APP: variants seen among roughly 807,000 people sequenced by gnomAD.
APP encodes amyloid-beta precursor protein.
APP carries 31 observed loss-of-function variants against 101.4 expected under a neutral mutation model. The ratio of observed to expected loss-of-function variants is 0.31; its 90% CI spans 0.23 to 0.41. The LOEUF (loss-of-function observed/expected upper bound fraction) is 0.41. APP is among the 10% of genes least tolerant of loss of function. APP has a pLI of 1.00. For synonymous variants in APP, 366 were observed against 364.4 expected, an observed-to-expected ratio of 1.00 and a Z score of -0.05; for missense variants, 839 against 1,003.7, an observed-to-expected ratio of 0.84 and a Z score of 2.22.
intron 17 of APP, among the ~76,000 whole-genome samples, chr21:25,882,562 G>T (rs1265537690): frequency 2.0e-5 from 3 of 151,756 alleles, no homozygotes; most frequent in Non-Finnish European, 4.4e-5. Context: ...TGTTAGAGCT[G>T]TGTGTGGCAT....
intron 3 of APP, among the ~76,000 whole-genome samples, chr21:26,062,621 C>T (rs1453255280): frequency 1.3e-5 from 2 of 150,814 alleles, no homozygotes; most frequent in African/African-American, 4.9e-5. Flanking sequence ...GAGATTGTGT[C>T]ATTGCACTCC....
At chr21:26,036,034 T>A (rs921896977) in intron 5 of APP, among the ~76,000 whole-genome samples, 1 of 152,138 alleles carries the variant, frequency 6.6e-6, no homozygotes, top group Admixed American at 6.6e-5. Flanking sequence ...AGGATTCATA[T>A]GCCTATGAAA....
At chr21:25,905,155 G>A (rs45455693) in intron 14 of APP, 78 bp from the exon 15 acceptor site, 23 of 1,258,908 alleles carry the variant, frequency 1.8e-5, no homozygotes, top group Admixed American at 1.8e-4. Flanking sequence ...AAACATAGTC[G>A]AGCAGGGAAA....
At chr21:26,127,383 A>C (rs2062706569) in intron 1 of APP, among the ~76,000 whole-genome samples, 2 of 152,226 alleles carry the variant, frequency 1.3e-5, no homozygotes, top group Non-Finnish European at 2.9e-5. Flanking sequence ...AAAGGCTTAA[A>C]AACTGGAATC....
At chr21:25,910,737 T>C (rs2039031035) in intron 14 of APP, among the ~76,000 whole-genome samples, 1 of 152,256 alleles carries the variant, frequency 6.6e-6, no homozygotes, top group Non-Finnish European at 1.5e-5. Context: ...TAGAGCAATG[T>C]GCTCCTTAAT....
intron 5 of APP, among the ~76,000 whole-genome samples, chr21:26,023,315 A>G (rs1319606378): frequency 6.7e-6 from 1 of 150,304 alleles, no homozygotes; most frequent in East Asian, 2.0e-4. Context: ...AAAAACCTAG[A>G]GGCCAGGAGT....
intron 1 of APP, among the ~76,000 whole-genome samples, chr21:26,150,686 C>T (rs1214408600): frequency 2.6e-5 from 4 of 152,060 alleles, no homozygotes; most frequent in Non-Finnish European, 4.4e-5. Context: ...AAAGTACAAG[C>T]TCTGTGAGAT....
intron 11 of APP, among the ~76,000 whole-genome samples, chr21:25,967,154 C>A (rs2041827450): frequency 6.6e-6 from 1 of 152,002 alleles, no homozygotes. Flanking sequence ...CTGAACCATT[C>A]AAAAATGAGA....
At chr21:25,992,302 C>A (rs930917928) in intron 8 of APP, among the ~76,000 whole-genome samples, 4 of 151,642 alleles carry the variant, frequency 2.6e-5, no homozygotes, top group South Asian at 2.1e-4. Flanking sequence ...ACAGGGGGAT[C>A]TCTTGAACCC....
chr21:26,037,216 G>C (rs960943909), intron 5 of APP, among the ~76,000 whole-genome samples: 1 of 152,120 alleles, frequency 6.6e-6, no homozygotes, highest in Non-Finnish European at 1.5e-5. Flanking sequence ...AGGCTGGGAA[G>C]GGTAGGTAGA....
chr21:26,150,496 C>T (rs977872637), intron 1 of APP, among the ~76,000 whole-genome samples: 3 of 152,142 alleles, frequency 2.0e-5, no homozygotes, highest in Admixed American at 6.5e-5. Flanking sequence ...TTCTGATCCC[C>T]TTCATACCCT....
At chr21:25,908,519 A>G (rs1330378811) in intron 14 of APP, among the ~76,000 whole-genome samples, 1 of 152,094 alleles carries the variant, frequency 6.6e-6, no homozygotes, top group Admixed American at 6.5e-5. Flanking sequence ...AAGAAAGACT[A>G]ACAAGTTTCT....
intron 11 of APP, among the ~76,000 whole-genome samples, chr21:25,966,857 T>C (rs2041816612): frequency 6.6e-6 from 1 of 152,222 alleles, no homozygotes; most frequent in African/African-American, 2.4e-5. Context: ...ATCCACATCA[T>C]ATAGTGGCGA....
chr21:26,081,853 T>C (rs1367417791), intron 3 of APP, among the ~76,000 whole-genome samples: 2 of 152,246 alleles, frequency 1.3e-5, no homozygotes, highest in Admixed American at 1.3e-4. Flanking sequence ...TGTGAAAATA[T>C]GCCCTGAGTT....
intron 6 of APP, among the ~76,000 whole-genome samples, chr21:26,018,000 A>G (rs753986075): frequency 1.3e-5 from 2 of 152,168 alleles, no homozygotes; most frequent in Non-Finnish European, 2.9e-5. Flanking sequence ...GCTGGAGTGC[A>G]GCGGATGTGC....
At chr21:25,987,325 C>A (rs3787634) in intron 8 of APP, among the ~76,000 whole-genome samples, 11,595 of 152,236 alleles carry the variant, frequency 0.076, 658 homozygotes, top group African/African-American at 0.14. Flanking sequence ...TATGTTCCCC[C>A]CTCCACAAAA....
At chr21:25,949,766 T>C (rs758661456) in intron 13 of APP, among the ~76,000 whole-genome samples, 1 of 152,194 alleles carries the variant, frequency 6.6e-6, no homozygotes, top group Non-Finnish European at 1.5e-5. Context: ...TGGAGGTGGA[T>C]ACCCAGTGCT....
Position 26,016,931 on chromosome 21 carries a change from GGGGGGC to G in APP, c.865+4903_865+4908del, listed in dbSNP as rs1173102228. Among the ~76,000 whole-genome samples the G allele has an allele frequency of 2.8e-4, 4 of 14,416 alleles. 1 individual carries two copies. The highest frequency in any genetic ancestry group is 4.8e-4 in the Non-Finnish European group (2 of 4,208). The allele number at this position is 14,416 out of a possible 152,430, so 9.5% of individuals were successfully genotyped here. A position where few individuals can be genotyped will look rare whatever the true frequency, so the allele number is the denominator to read the frequency against. On this transcript the variant is annotated intron_variant, in intron 6 of 17. Transcript: ENST00000346798. ...GTGGCCTGTATTCCCAGCACTTTGT[GGGGGGC>G]GGGGGGCGGGGGGCGGGGGGTGCCG...
At chr21:26,008,516 AAAAC>A (rs1200024289) in intron 6 of APP, among the ~76,000 whole-genome samples, 8 of 152,222 alleles carry the variant, frequency 5.3e-5, no homozygotes, top group East Asian at 1.9e-4. Flanking sequence ...ACTGTCTAGA[AAAAC>A]AAACAAATAG....
Sources: allele counts gnomAD v4.1 joint callset (sites outside exome capture counted in the v4.1 genomes callset), GRCh38; gene constraint gnomAD v4.1.1; transcripts MANE v1.5; gene names NCBI Gene and HGNC (gene_info 2026-07-23, HGNC 2026-07-21).